Variants in COL18A1 observed in about 807,000 individuals in gnomAD.
COL18A1 encodes collagen alpha-1(XVIII) chain.
A neutral mutation model predicts 168.0 loss-of-function variants in COL18A1; 133 were observed. That is an observed-to-expected ratio of 0.79 (90% CI 0.69 to 0.91). The LOEUF is 0.91. Ranked by LOEUF, COL18A1 falls within the 40% of genes least tolerant of loss-of-function variation. The probability of loss-of-function intolerance (pLI) is 0.00; values close to 1 mark genes in which losing one functional copy is unlikely to be tolerated. For missense variants in COL18A1, 2,126 were observed against 1,925.4 expected, an observed-to-expected ratio of 1.10 and a Z score of -1.95; for synonymous variants, 949 against 809.0, an observed-to-expected ratio of 1.17 and a Z score of -2.94.
intron 8 of COL18A1, 109 bp from the exon 9 acceptor site, chr21:45,478,218 T>C (rs1478026858): frequency 1.4e-6 from 2 of 1,453,184 alleles, no homozygotes; most frequent in Non-Finnish European, 1.9e-6. Context: ...GGGGAAGGCG[T>C]CTGCCGCCTC....
Position 45,457,978 on chromosome 21 carries a change from C to G in COL18A1, c.107-10264C>G, listed in dbSNP as rs1243726690. On this transcript the variant is annotated intron_variant, in intron 2 of 41. Transcript: ENST00000651438. The surrounding 1 kb of genome is among the most constrained non-coding windows in gnomAD (Gnocchi z 4.6). ...CAGTGACCGTTTCTCTCAGCAAAGC[C>G]CAGAGCCTCTGCAGACCCTGTGTGG... 6.6e-6 allele frequency among the ~76,000 whole-genome samples: 1 copy of G among 152,098 alleles called. No individual in the cohort carries two copies. The highest frequency in any genetic ancestry group is 2.1e-4 in the South Asian group (1 of 4,832).
At chr21:45,496,874 C>T (rs560591885) in intron 30 of COL18A1, among the ~76,000 whole-genome samples, 176 bp from the exon 31 acceptor site, 19 of 152,336 alleles carry the variant, frequency 1.2e-4, no homozygotes, top group South Asian at 4.1e-4. Flanking sequence ...GGCCAAGTGG[C>T]GTCAGGCCGT....
chr21:45,491,215 C>A lies in COL18A1; in HGVS notation c.2068-10C>A. ...AGATGAAATGCCGGACGCGTGGCCT[C>A]CTCTTCCAGGGAGATCCAGGGAAGG... On this transcript the variant is annotated splice_polypyrimidine_tract_variant and intron_variant, in intron 21 of 41. Coordinates refer to ENST00000651438, the MANE Select transcript of COL18A1 (RefSeq NM_001379500.1). The A allele has an allele frequency of 6.2e-7, 1 of 1,609,692 alleles. No individual in the cohort carries two copies. Among genetic ancestry groups the A allele is most frequent in the Non-Finnish European group, 8.5e-7 (1 of 1,177,186 alleles).
intron 25 of COL18A1, 120 bp from the exon 26 acceptor site, chr21:45,493,381 C>T (rs1212406885): frequency 1.6e-6 from 2 of 1,288,858 alleles, no homozygotes; most frequent in Non-Finnish European, 2.2e-6. Flanking sequence ...CTGTGGTCAC[C>T]TCCCGTGAAA....
chr21:45,446,224 A>G (rs1029932505), intron 2 of COL18A1, among the ~76,000 whole-genome samples: 2 of 152,170 alleles, frequency 1.3e-5, no homozygotes, highest in South Asian at 4.1e-4. Flanking sequence ...CTTGTCAAAC[A>G]TGAGTTGCCC....
rs767255901 is a variant in COL18A1, at chr21:45,482,814, G to A, written c.1694G>A (p.Gly565Glu). 5 of 1,614,152 alleles carry A rather than the reference G, an allele frequency of 3.1e-6. No homozygotes were observed. The highest frequency in any genetic ancestry group is 4.2e-6 in the Non-Finnish European group (5 of 1,180,036). The part of the protein sequence containing the change: ...KGSLGEAGAP[G>E]HKGSKGAPGP... ...GTACAGGGTGAAGCAGGCGCCCCAG[G>A]ACATAAGGTACAAGCAGAATCCCTG... Residue 565 changes from glycine to glutamate, a missense_variant, in exon 15 of 42, where the codon GGA becomes GAA. Physicochemically the swap from Gly to Glu is moderately conservative, Grantham distance 98 (BLOSUM62 -2). Coordinates refer to ENST00000651438, the MANE Select transcript of COL18A1 (RefSeq NM_001379500.1).
At chr21:45,503,105 C>G (rs1260693766) in intron 32 of COL18A1, 1 of 152,162 alleles carries the variant, frequency 6.6e-6, no homozygotes, top group African/African-American at 2.4e-5. Flanking sequence ...ATGGCTGGGT[C>G]AAATGGTATT....
At chr21:45,484,853 C>T (rs1017652711) in intron 15 of COL18A1, among the ~76,000 whole-genome samples, 11 of 151,946 alleles carry the variant, frequency 7.2e-5, no homozygotes, top group African/African-American at 2.7e-4. Context: ...ACTTTAAAAT[C>T]AGCAAAATTA....
intron 2 of COL18A1, among the ~76,000 whole-genome samples, chr21:45,434,312 G>A (rs529199801): frequency 5.9e-5 from 9 of 152,316 alleles, no homozygotes; most frequent in East Asian, 3.9e-4. Context: ...CAGGCGGCCC[G>A]TGCTGGGACG....
At position 45,491,078 on chromosome 21, in the gene COL18A1, C is replaced by G; in HGVS notation, c.2068-147C>G. 4.7e-6 allele frequency: 4 copies of G among 849,860 alleles called. No individual in the cohort carries two copies. The Admixed American group carries it at 8.0e-5, about 17-fold the overall frequency. The allele number at this position is 849,860 out of a possible 1,614,324, so 52.6% of individuals were successfully genotyped here. ...CCCTGTTGGAGCCTGCCCTGCCTGG[C>G]AGGGGGCTCCAAGGCCACAGTCCAC... On this transcript the variant is annotated intron_variant, in intron 21 of 41. Transcript: ENST00000651438.
At chr21:45,510,285 C>T (rs778772436) in intron 40 of COL18A1, 24 bp downstream of exon 40, 40 of 1,580,558 alleles carry the variant, frequency 2.5e-5, no homozygotes, top group East Asian at 1.2e-4. Context: ...GTCCTGAGGG[C>T]GCGGGCTCCT....
At chr21:45,441,877 A>C (rs1358421662) in intron 2 of COL18A1, among the ~76,000 whole-genome samples, 3 of 151,884 alleles carry the variant, frequency 2.0e-5, no homozygotes, top group African/African-American at 7.3e-5. Flanking sequence ...TCCCCATGCC[A>C]CTCCCAAGGC....
intron 3 of COL18A1, among the ~76,000 whole-genome samples, chr21:45,469,276 C>T (rs908455895): frequency 1.3e-5 from 2 of 152,256 alleles, no homozygotes; most frequent in South Asian, 2.1e-4. Flanking sequence ...CTCGTGGCCC[C>T]ATGCAGAATG....
intron 8 of COL18A1, 49 bp downstream of exon 8, chr21:45,478,014 C>A: frequency 1.9e-6 from 2 of 1,047,914 alleles, no homozygotes. Flanking sequence ...AGGGTGGGGG[C>A]TTGGGTAGGA....
chr21:45,429,645 C>T (rs549747855), intron 2 of COL18A1, among the ~76,000 whole-genome samples: 10 of 152,336 alleles, frequency 6.6e-5, no homozygotes, highest in African/African-American at 2.4e-4. Context: ...GAGCAGGCGG[C>T]AGGATCCCAG....
rs532978021 is a variant in COL18A1, at chr21:45,468,325, G to A, written c.190G>A (p.Val64Ile). 17 of 1,613,454 alleles carry A rather than the reference G, an allele frequency of 1.1e-5. No individual in the cohort carries two copies. Among genetic ancestry groups the A allele is most frequent in the Admixed American group, 8.3e-5 (5 of 60,036 alleles). The change falls in exon 3 of 42, where the codon GTC becomes ATC. Residue 64 changes from valine to isoleucine, a missense_variant. Physicochemically the swap from Val to Ile is conservative, Grantham distance 29. Transcript: ENST00000651438. ...GGTCACCCAGACGGATGACCCCGAC[G>A]TCGGGCTGGCCTACGTCTTTGGGCC... Reference protein sequence around the residue: ...QQVTQTDDPDVGLAYVFGPDA... With the variant: ...QQVTQTDDPDIGLAYVFGPDA...
At chr21:45,481,871 G>A in intron 13 of COL18A1, 92 bp from the exon 14 acceptor site, 1 of 911,442 alleles carries the variant, frequency 1.1e-6, no homozygotes, top group Non-Finnish European at 1.8e-6. Context: ...CTGCCTTCTG[G>A]AAACCTGCGG....
intron 2 of COL18A1, among the ~76,000 whole-genome samples, chr21:45,453,286 T>C (rs1199022255): frequency 6.6e-6 from 1 of 152,152 alleles, no homozygotes; most frequent in Admixed American, 6.5e-5. Flanking sequence ...TATGTACATG[T>C]GTGGGGGCTT....
chr21:45,405,668 C>T (rs894468799), intron 2 of COL18A1, among the ~76,000 whole-genome samples, 195 bp downstream of exon 2: 1 of 150,970 alleles, frequency 6.6e-6, no homozygotes, highest in South Asian at 2.1e-4. Flanking sequence ...ATTCATTCTC[C>T]CCGCGGGGTC....
Sources: gnomAD v4.1 joint callset for allele counts (sites outside exome capture counted in the v4.1 genomes callset) on GRCh38, gnomAD v4.1.1 for gene constraint, Gnocchi (gnomAD v3.1) non-coding constraint, MANE v1.5 for transcripts, NCBI Gene and HGNC (gene_info 2026-07-23, HGNC 2026-07-21) for gene names.